ZNF140: variants seen among roughly 807,000 people sequenced by gnomAD.
ZNF140 encodes the protein zinc finger protein 140.
In ZNF140, 13 loss-of-function variants were observed where a neutral mutation model predicts 12.9. That is an observed-to-expected ratio of 1.01 (90% confidence interval 0.66 to 1.60). The LOEUF (loss-of-function observed/expected upper bound fraction) is 1.60, where lower values mean the gene tolerates loss of function less well. Ranked by LOEUF, ZNF140 falls within the 40% of genes most tolerant of loss-of-function variation. The pLI is 0.00. For synonymous variants in ZNF140, 214 were observed against 186.7 expected (o/e 1.15, Z -1.19); for missense variants, 531 against 548.8 (o/e 0.97, Z 0.32).
chr12:133,096,093 G>C (rs1160430873), intron 4 of ZNF140, among the ~76,000 whole-genome samples: 9 of 151,558 alleles, frequency 5.9e-5, no homozygotes, highest in Non-Finnish European at 5.9e-5. Context: ...ATCCCACGAG[G>C]CCATATTTCA....
chr12:133,085,269 C>T (rs1048470232), intron 4 of ZNF140, among the ~76,000 whole-genome samples: 5 of 152,256 alleles, frequency 3.3e-5, no homozygotes, highest in Admixed American at 1.3e-4. Flanking sequence ...GTGATCTGCC[C>T]GCCTAGGCCT....
intron 4 of ZNF140, among the ~76,000 whole-genome samples, chr12:133,086,998 C>T (rs2137497693): frequency 6.6e-6 from 1 of 152,214 alleles, no homozygotes; most frequent in Non-Finnish European, 1.5e-5. Flanking sequence ...ATCTATACAG[C>T]CTTAGTTACA....
At chr12:133,101,040 T>A in intron 4 of ZNF140, 1 of 442,192 alleles carries the variant, frequency 2.3e-6, no homozygotes. Flanking sequence ...ATTCCCAGCC[T>A]TGTTCCTTTA....
intron 4 of ZNF140, among the ~76,000 whole-genome samples, chr12:133,097,851 T>TGTGTGTGTGTG (rs1219923897): frequency 6.4e-5 from 5 of 78,566 alleles, no homozygotes; most frequent in African/African-American, 1.9e-4. Flanking sequence ...GTGTGTGTGT[T>TGTGTGTGTGTG]TTTGAGATGA....
At chr12:133,102,692 T>C (rs1593800749) in intron 4 of ZNF140, among the ~76,000 whole-genome samples, 1 of 142,270 alleles carries the variant, frequency 7.0e-6, no homozygotes. Context: ...GCGGTTGCAG[T>C]GAGCCAAGAT....
At chr12:133,083,414 C>G (rs1954568060) in intron 3 of ZNF140, 52 bp from the exon 4 acceptor site, 2 of 1,570,590 alleles carry the variant, frequency 1.3e-6, no homozygotes, top group Non-Finnish European at 8.6e-7. Flanking sequence ...CTTTGTGGCC[C>G]CTCTTAGGAT....
chr12:133,085,196 TG>T (rs1419061367), intron 4 of ZNF140, among the ~76,000 whole-genome samples: 3 of 152,310 alleles, frequency 2.0e-5, no homozygotes, highest in Middle Eastern at 3.4e-3. Flanking sequence ...GGCTAAGTTT[TG>T]TATTTTTAGT....
chr12:133,098,493 G>C (rs1187351163), intron 4 of ZNF140, among the ~76,000 whole-genome samples: 1 of 151,664 alleles, frequency 6.6e-6, no homozygotes, highest in Non-Finnish European at 1.5e-5. Context: ...ACCTGCCTTG[G>C]CCTCCCAAAG....
rs1288743997 is a variant in ZNF140 at position 133,105,655 on chromosome 12, T to C, written c.378T>C (p.His126=). ...AAGGAGGCTGGAAATGCAAGGATCA[T>C]ACTGAGATGCTGCAAGAAAATCAGG... ...SFKGGWKCKD[H]TEMLQENQGC... Residue 126 remains histidine, a synonymous_variant, in exon 5 of 5, where the codon CAT becomes CAC. Transcript: ENST00000355557. 7 of 1,614,210 alleles carry C rather than the reference T, an allele frequency of 4.3e-6. No homozygotes were observed. In the South Asian group the frequency reaches 5.5e-5, roughly 13 times the overall value.
At position 133,081,117 on chromosome 12, in the gene ZNF140, C is replaced by T. The variant is rs377455750; in HGVS notation, c.-49+45C>T. The stretch of plus-strand genomic sequence containing the variant: ...GCGCGCCGTGGCAGGAAGAGAAAGC[C>T]GGCGCCAGTGGTCCAAGCGCGATCT... On this transcript the variant is annotated intron_variant, in intron 1 of 4. Coordinates refer to ENST00000355557, the MANE Select transcript of ZNF140 (RefSeq NM_003440.4). 11 of 270,058 alleles carry T rather than the reference C, an allele frequency of 4.1e-5. No individual in the cohort carries two copies. The East Asian group carries it at 5.5e-4, about 13-fold the overall frequency. 16.7% of individuals were successfully genotyped at this position (270,058 alleles called of 1,614,324 possible).
chr12:133,097,851 T>TGTG (rs1219923897), intron 4 of ZNF140, among the ~76,000 whole-genome samples: 4 of 78,564 alleles, frequency 5.1e-5, no homozygotes, highest in African/African-American at 1.4e-4. Flanking sequence ...GTGTGTGTGT[T>TGTG]TTTGAGATGA....
intron 4 of ZNF140, among the ~76,000 whole-genome samples, chr12:133,101,364 A>G (rs1051760248): frequency 2.0e-5 from 3 of 151,396 alleles, no homozygotes; most frequent in African/African-American, 7.3e-5. Context: ...TCAATATTTT[A>G]TCTGTTTTTC....
rs1056595577 is a variant in ZNF140, at chr12:133,093,400, T to C, written c.232+9839T>C. The C allele has an allele frequency of 7.0e-5, 49 of 698,164 alleles. No individual in the cohort carries two copies. In the African/African-American group the frequency reaches 8.0e-4, roughly 11 times the overall value. The allele number at this position is 698,164 out of a possible 1,614,324, so 43.2% of individuals were successfully genotyped here. On this transcript the variant is annotated intron_variant, in intron 4 of 4. Coordinates refer to ENST00000355557, the MANE Select transcript of ZNF140 (RefSeq NM_003440.4). ...GCATATTCTCTGGAGTTTGTGTTAC[T>C]CTTGTGTTTTCCAGGCTTTTTTTCA... is the stretch of plus-strand genomic sequence containing the variant.
At chr12:133,089,462 C>T (rs1422189666) in intron 4 of ZNF140, among the ~76,000 whole-genome samples, 1 of 152,296 alleles carries the variant, frequency 6.6e-6, no homozygotes, top group Admixed American at 6.5e-5. Flanking sequence ...AATCTGCCCA[C>T]CTTGGCCTCC....
chr12:133,104,678 C>G (rs1016882142), intron 4 of ZNF140, among the ~76,000 whole-genome samples: 4 of 152,268 alleles, frequency 2.6e-5, no homozygotes, highest in Non-Finnish European at 4.4e-5. Flanking sequence ...TTTAAGGAGA[C>G]ACTTCATATT....
intron 4 of ZNF140, among the ~76,000 whole-genome samples, 164 bp downstream of exon 4, chr12:133,083,725 C>T (rs1209345601): frequency 2.0e-5 from 3 of 152,026 alleles, no homozygotes; most frequent in African/African-American, 4.8e-5. Flanking sequence ...TTTGGGAGGC[C>T]GAGGTGGGTG....
chr12:133,086,758 A>T (rs1359204864), intron 4 of ZNF140, among the ~76,000 whole-genome samples: 3 of 152,158 alleles, frequency 2.0e-5, no homozygotes, highest in Non-Finnish European at 4.4e-5. Context: ...ATTTTCTTTT[A>T]AAAAAGCCTA....
intron 3 of ZNF140, 36 bp from the exon 4 acceptor site, chr12:133,083,430 G>A: frequency 6.3e-7 from 1 of 1,593,224 alleles, no homozygotes; most frequent in Non-Finnish European, 8.5e-7. Context: ...AGGATTCAAT[G>A]ACTGATCTTG....
chr12:133,100,160 GTTTTTTTTTT>G (rs58610589), intron 4 of ZNF140, among the ~76,000 whole-genome samples: 17 of 60,982 alleles, frequency 2.8e-4, no homozygotes, highest in Non-Finnish European at 3.8e-4. Flanking sequence ...TGCCTTTTCC[GTTTTTTTTTT>G]TTTTTTTTTT....
Sources: gnomAD v4.1 joint callset for allele counts (sites outside exome capture counted in the v4.1 genomes callset) on GRCh38, gnomAD v4.1.1 for gene constraint, MANE v1.5 for transcripts, NCBI Gene and HGNC (gene_info 2026-07-23, HGNC 2026-07-21) for gene names.